GABRB1: variants seen among roughly 807,000 people sequenced by gnomAD.
The protein encoded by GABRB1 is gamma-aminobutyric acid receptor subunit beta-1.
In GABRB1, 17 loss-of-function variants were observed where a neutral mutation model predicts 51.6. The ratio of observed to expected loss-of-function variants is 0.33; its 90% confidence interval spans 0.23 to 0.49. The LOEUF is 0.49. GABRB1 is among the 20% of genes least tolerant of loss of function. GABRB1 has a pLI of 0.99. For synonymous variants in GABRB1, 247 were observed against 218.9 expected, an observed-to-expected ratio of 1.13 and a Z score of -1.14; for missense variants, 410 against 600.6, an observed-to-expected ratio of 0.68 and a Z score of 3.32.
chr4:47,383,161 G>C (rs1303337385), intron 5 of GABRB1, among the ~76,000 whole-genome samples: 3 of 152,180 alleles, frequency 2.0e-5, no homozygotes, highest in Non-Finnish European at 1.5e-5. Context: ...AAAGCACATA[G>C]CCTCCTAGTT....
intron 1 of GABRB1, among the ~76,000 whole-genome samples, chr4:47,010,720 C>T (rs910881754): frequency 6.6e-6 from 1 of 152,200 alleles, no homozygotes; most frequent in African/African-American, 2.4e-5. Flanking sequence ...CTAGTGTCAT[C>T]CTGACTCCTG....
intron 7 of GABRB1, 86 bp downstream of exon 7, chr4:47,403,797 C>T: frequency 7.5e-7 from 1 of 1,335,164 alleles, no homozygotes; most frequent in South Asian, 1.4e-5. Context: ...CAAGGGCTCT[C>T]TTATAGCAAG....
At chr4:47,420,488 A>G (rs538969013) in intron 8 of GABRB1, among the ~76,000 whole-genome samples, 2 of 152,282 alleles carry the variant, frequency 1.3e-5, no homozygotes, top group Non-Finnish European at 2.9e-5. Flanking sequence ...GAAATCCAGT[A>G]TGTTAACAAT....
At chr4:47,329,374 T>A (rs1725380784) in intron 5 of GABRB1, among the ~76,000 whole-genome samples, 2 of 150,142 alleles carry the variant, frequency 1.3e-5, no homozygotes, top group African/African-American at 4.9e-5. Context: ...TTATACAGAA[T>A]AAAATATATA....
Position 47,426,428 on chromosome 4 carries a change from C to CAAAAAAAAAAAAAAA in GABRB1, c.*415_*429dup, listed in dbSNP as rs59682924. The CAAAAAAAAAAAAAAA allele has an allele frequency of 7.1e-5, 6 of 84,828 alleles. No homozygotes were observed. Among genetic ancestry groups the CAAAAAAAAAAAAAAA allele is most frequent in the African/African-American group, 1.1e-4 (3 of 27,700 alleles). 5.3% of individuals were successfully genotyped at this position (84,828 alleles called of 1,614,324 possible). A position where few individuals can be genotyped will look rare whatever the true frequency, so the allele number is the denominator to read the frequency against. ...GTAAACTATAACAAACTTATGCTGC[C>CAAAAAAAAAAAAAAA]AAAAAAAAAAAAAAAAAAACATAAA... is the stretch of plus-strand genomic sequence containing the variant. On this transcript the variant is annotated 3_prime_UTR_variant, in exon 9 of 9. Coordinates refer to ENST00000295454, the MANE Select transcript of GABRB1 (RefSeq NM_000812.4).
At chr4:47,325,182 A>T (rs1017533543) in intron 5 of GABRB1, among the ~76,000 whole-genome samples, 1 of 152,160 alleles carries the variant, frequency 6.6e-6, no homozygotes, top group Non-Finnish European at 1.5e-5. Flanking sequence ...CACGCCTGTA[A>T]CCCCAACACT....
At chr4:47,047,714 T>A (rs1442002077) in intron 3 of GABRB1, among the ~76,000 whole-genome samples, 1 of 152,180 alleles carries the variant, frequency 6.6e-6, no homozygotes, top group East Asian at 1.9e-4. Flanking sequence ...AGGAGCAGTT[T>A]GATTAATGTC....
At chr4:47,278,367 A>C (rs767550737) in intron 4 of GABRB1, among the ~76,000 whole-genome samples, 14 of 152,188 alleles carry the variant, frequency 9.2e-5, no homozygotes, top group African/African-American at 2.4e-5. Context: ...AATGCATGCC[A>C]AAGAACATAA....
intron 3 of GABRB1, among the ~76,000 whole-genome samples, chr4:47,048,212 T>C (rs1210792012): frequency 6.6e-6 from 1 of 152,156 alleles, no homozygotes; most frequent in African/African-American, 2.4e-5. Context: ...TATTCAGTCA[T>C]AACCACACAT....
intron 5 of GABRB1, among the ~76,000 whole-genome samples, chr4:47,339,782 C>A (rs577364921): frequency 2.9e-4 from 44 of 151,000 alleles, no homozygotes; most frequent in Non-Finnish European, 5.0e-4. Flanking sequence ...AAACTTTACC[C>A]TGTTGAACAG....
At chr4:47,284,213 G>A (rs540719051) in intron 4 of GABRB1, among the ~76,000 whole-genome samples, 36 of 151,882 alleles carry the variant, frequency 2.4e-4, no homozygotes, top group African/African-American at 8.5e-4. Context: ...CAGGCTTTTG[G>A]CTGAGGTCTG....
chr4:47,084,588 T>C (rs1382438325), intron 3 of GABRB1, among the ~76,000 whole-genome samples: 1 of 152,208 alleles, frequency 6.6e-6, no homozygotes, highest in Non-Finnish European at 1.5e-5. Context: ...CTAGAAGCAC[T>C]TAACATAGCA....
At chr4:47,130,713 G>T (rs1456701975) in intron 3 of GABRB1, among the ~76,000 whole-genome samples, 1 of 152,068 alleles carries the variant, frequency 6.6e-6, no homozygotes, top group Non-Finnish European at 1.5e-5. Context: ...CCTGCAGTAG[G>T]TCGCAGGGAT....
At chr4:47,296,639 G>C (rs1210097948) in intron 4 of GABRB1, among the ~76,000 whole-genome samples, 1 of 152,184 alleles carries the variant, frequency 6.6e-6, no homozygotes, top group African/African-American at 2.4e-5. Context: ...AAGAGACTTA[G>C]ACTCCCACAC....
At chr4:47,200,154 A>G (rs1719842409) in intron 4 of GABRB1, among the ~76,000 whole-genome samples, 1 of 152,178 alleles carries the variant, frequency 6.6e-6, no homozygotes, top group African/African-American at 2.4e-5. Flanking sequence ...ACACAATGAG[A>G]AGCTGGTAGG....
chr4:47,214,614 T>C lies in GABRB1; in HGVS notation c.461+53145T>C, dbSNP rs191629622. Among the ~76,000 whole-genome samples the C allele has an allele frequency of 1.1e-4, 17 of 152,308 alleles. No individual in the cohort carries two copies. In the East Asian group the frequency reaches 3.3e-3, roughly 29 times the overall value. On this transcript the variant is annotated intron_variant, in intron 4 of 8. Transcript: ENST00000295454. ...AAATAAATACCAATAATTTCTCATA[T>C]GCAAAATATGGTTATAAAAGTGTTC...
At chr4:47,367,368 A>G (rs1444353225) in intron 5 of GABRB1, among the ~76,000 whole-genome samples, 3 of 152,230 alleles carry the variant, frequency 2.0e-5, no homozygotes, top group African/African-American at 7.2e-5. Flanking sequence ...CTCCATTGGC[A>G]GAAAATAGAA....
At chr4:47,203,925 C>T (rs1056315268) in intron 4 of GABRB1, among the ~76,000 whole-genome samples, 2 of 152,130 alleles carry the variant, frequency 1.3e-5, no homozygotes, top group Admixed American at 1.3e-4. Flanking sequence ...GCAAAATCCT[C>T]AGAGGACCTT....
intron 3 of GABRB1, among the ~76,000 whole-genome samples, chr4:47,123,776 TATA>T (rs1380566609): frequency 1.1e-5 from 1 of 90,394 alleles, no homozygotes; most frequent in Non-Finnish European, 2.0e-5. Context: ...TTATATATCA[TATA>T]TTATTATATA....
Sources: gnomAD v4.1 joint callset for allele counts (sites outside exome capture counted in the v4.1 genomes callset) on GRCh38, gnomAD v4.1.1 for gene constraint, MANE v1.5 for transcripts, NCBI Gene and HGNC (gene_info 2026-07-23, HGNC 2026-07-21) for gene names.